ATIC: variants seen among roughly 807,000 people sequenced by gnomAD.
The protein encoded by ATIC is 5-aminoimidazole-4-carboxamide ribonucleotide formyltransferase/IMP cyclohydrolase.
ATIC carries 64 observed loss-of-function variants against 72.5 expected under a neutral mutation model. That is an observed-to-expected ratio of 0.88 (90% CI 0.72 to 1.09). ATIC has a LOEUF of 1.09. Among genes scored for constraint, ATIC ranks in the 50% least tolerant of loss-of-function variants. The probability of loss-of-function intolerance (pLI) is 0.00; values close to 1 mark genes in which losing one functional copy is unlikely to be tolerated. For missense variants in ATIC, 787 were observed against 732.4 expected (o/e 1.07, Z -0.86); for synonymous variants, 281 against 267.1 (o/e 1.05, Z -0.51).
chr2:215,344,750 T>C (rs1466673945), intron 12 of ATIC, 29 bp from the exon 13 acceptor site: 169 of 1,596,926 alleles, frequency 1.1e-4, no homozygotes, highest in Non-Finnish European at 1.5e-4. Flanking sequence ...AAAGGCCCCA[T>C]GCAATTTACC....
intron 4 of ATIC, among the ~76,000 whole-genome samples, chr2:215,321,279 A>G (rs2105999236): frequency 6.6e-6 from 1 of 152,270 alleles, no homozygotes; most frequent in Non-Finnish European, 1.5e-5. Context: ...CATGTTTTCA[A>G]GGTTTATCCA....
At chr2:215,345,445 CA>C (rs2053061387) in intron 13 of ATIC, 3 of 165,522 alleles carry the variant, frequency 1.8e-5, no homozygotes, top group Non-Finnish European at 4.0e-5. Context: ...ACCGCTGCCA[CA>C]ATTAAATACC....
the ATIC span, chr2:215,365,603 T>C: frequency 3.1e-6 from 5 of 1,614,114 alleles, no homozygotes; most frequent in Non-Finnish European, 3.4e-6. Flanking sequence ...TCCAATCTTG[T>C]AGTTCACACC....
Position 215,331,187 on chromosome 2 carries a change from C to T in ATIC, c.689-1195C>T, listed in dbSNP as rs996858749. Among the ~76,000 whole-genome samples, 5 of 151,958 alleles carry T rather than the reference C, an allele frequency of 3.3e-5. No individual in the cohort carries two copies. In the East Asian group the frequency reaches 9.7e-4, roughly 29 times the overall value. On this transcript the variant is annotated intron_variant, in intron 7 of 15. Transcript: ENST00000236959. ...TATTTATTGCCTATTTTTTATTTGC[C>T]TCCCCAGTAAGCTCCATAAGGACAG...
intron 4 of ATIC, among the ~76,000 whole-genome samples, chr2:215,321,020 A>G (rs1442906410): frequency 6.6e-6 from 1 of 152,224 alleles, no homozygotes; most frequent in Non-Finnish European, 1.5e-5. Context: ...ATTGGGGATC[A>G]CATTGCAAAA....
chr2:215,343,530 T>TC (rs2053041802), intron 12 of ATIC, among the ~76,000 whole-genome samples: 1 of 152,096 alleles, frequency 6.6e-6, no homozygotes, highest in South Asian at 2.1e-4. Context: ...AGAGATGGGG[T>TC]TCACCATGTT....
intron 7 of ATIC, among the ~76,000 whole-genome samples, chr2:215,331,381 G>GTTTT (rs66928848): frequency 3.4e-5 from 4 of 117,500 alleles, no homozygotes; most frequent in Non-Finnish European, 5.1e-5. Flanking sequence ...TGTTTTTTGG[G>GTTTT]TTTTTTTTTT....
At chr2:215,368,550 A>G in the ATIC span, among the ~76,000 whole-genome samples, 2 of 152,276 alleles carry the variant, frequency 1.3e-5, no homozygotes, top group African/African-American at 4.8e-5. Context: ...GAAAATGTTC[A>G]CTAAATAAAG....
intron 7 of ATIC, among the ~76,000 whole-genome samples, chr2:215,328,476 T>G (rs2052854174): frequency 6.6e-6 from 1 of 152,080 alleles, no homozygotes; most frequent in Admixed American, 6.6e-5. Context: ...TGCCTCCAAG[T>G]GGGCCCAGCT....
chr2:215,322,575 A>G (rs879298825), intron 4 of ATIC, among the ~76,000 whole-genome samples: 33 of 151,006 alleles, frequency 2.2e-4, no homozygotes, highest in Non-Finnish European at 3.5e-4. Context: ...CAGGTGATCC[A>G]CCTGCCTCGG....
In ATIC at chr2:215,332,340, C is replaced by T. The variant is rs375890690; in HGVS notation, c.689-42C>T. On this transcript the variant is annotated intron_variant, in intron 7 of 15. Coordinates refer to ENST00000236959, the MANE Select transcript of ATIC (RefSeq NM_004044.7). ...AGAAGTGTGCATACATCTGACCTTA[C>T]TGATCCTGCTTAGTAATGTGCATGT... The T allele has an allele frequency of 3.2e-4, 522 of 1,613,250 alleles. 2 individuals are homozygous for T. The highest frequency in any genetic ancestry group is 4.3e-4 in the Non-Finnish European group (512 of 1,179,586).
intron 7 of ATIC, among the ~76,000 whole-genome samples, chr2:215,328,987 G>C (rs1350807934): frequency 6.6e-6 from 1 of 152,228 alleles, no homozygotes; most frequent in East Asian, 1.9e-4. Context: ...AAAGTGCTGG[G>C]ATTACAGGCA....
chr2:215,324,486 G>T (rs1449021676), intron 4 of ATIC, among the ~76,000 whole-genome samples: 1 of 152,148 alleles, frequency 6.6e-6, no homozygotes, highest in African/African-American at 2.4e-5. Context: ...GTTTTCTTGT[G>T]ACATTTGTCT....
chr2:215,360,320 A>T, the ATIC span: 1 of 152,212 alleles, frequency 6.6e-6, no homozygotes, highest in Admixed American at 6.5e-5. Context: ...GGAGTAAACA[A>T]ACTGTTTAGC....
intron 7 of ATIC, among the ~76,000 whole-genome samples, chr2:215,331,767 T>TA (rs1455819549): frequency 1.3e-5 from 2 of 152,098 alleles, no homozygotes; most frequent in Non-Finnish European, 2.9e-5. Flanking sequence ...TACTAGCTCC[T>TA]AAAAAAATCT....
At chr2:215,333,649 C>T (rs894121892) in intron 9 of ATIC, among the ~76,000 whole-genome samples, 192 bp downstream of exon 9, 3 of 151,760 alleles carry the variant, frequency 2.0e-5, no homozygotes, top group African/African-American at 7.3e-5. Context: ...AAGTAAAATA[C>T]CCTTTGTTTC....
At chr2:215,367,615 C>A in the ATIC span, 1 of 515,012 alleles carries the variant, frequency 1.9e-6, no homozygotes, top group Non-Finnish European at 3.5e-6. Context: ...CAAATTAGCA[C>A]CATAATCTTA....
intron 10 of ATIC, among the ~76,000 whole-genome samples, chr2:215,335,743 C>A (rs888202729): frequency 2.6e-5 from 4 of 152,192 alleles, no homozygotes; most frequent in African/African-American, 7.2e-5. Context: ...AAAACACTCC[C>A]TGAAGAAATA....
At chr2:215,344,061 T>A (rs1216629024) in intron 12 of ATIC, among the ~76,000 whole-genome samples, 1 of 152,222 alleles carries the variant, frequency 6.6e-6, no homozygotes, top group Admixed American at 6.5e-5. Flanking sequence ...CATAACGATT[T>A]GTGATGTCTA....
Sources: allele counts gnomAD v4.1 joint callset (sites outside exome capture counted in the v4.1 genomes callset), GRCh38; gene constraint gnomAD v4.1.1; transcripts MANE v1.5; gene names NCBI Gene and HGNC (gene_info 2026-07-23, HGNC 2026-07-21).